The following ZNF385D variants were observed in gnomAD, a reference collection of about 807,000 sequenced individuals.
ZNF385D encodes the protein zinc finger protein 659.
ZNF385D carries 15 observed loss-of-function variants against 35.8 expected under a neutral mutation model. The ratio of observed to expected loss-of-function variants is 0.42; its 90% CI spans 0.28 to 0.64. ZNF385D has a LOEUF of 0.64. ZNF385D is among the 30% of genes least tolerant of loss of function. The probability of loss-of-function intolerance (pLI) is 0.23; values close to 1 mark genes in which losing one functional copy is unlikely to be tolerated. For synonymous variants in ZNF385D, 212 were observed against 186.8 expected, an observed-to-expected ratio of 1.13 and a Z score of -1.10; for missense variants, 474 against 494.6, an observed-to-expected ratio of 0.96 and a Z score of 0.39.
chr3:22,032,425 C>A (rs920467517), intron 3 of ZNF385D, among the ~76,000 whole-genome samples: 2 of 152,142 alleles, frequency 1.3e-5, no homozygotes, highest in South Asian at 2.1e-4. Context: ...TCATGAGAAC[C>A]CCCTCACTAT....
At chr3:22,029,607 G>C (rs1310033954) in intron 3 of ZNF385D, among the ~76,000 whole-genome samples, 1 of 152,178 alleles carries the variant, frequency 6.6e-6, no homozygotes, top group Non-Finnish European at 1.5e-5. Flanking sequence ...AAACATGTTT[G>C]TGCATATATA....
intron 2 of ZNF385D, among the ~76,000 whole-genome samples, chr3:21,601,642 T>TA (rs2125763183): frequency 6.6e-6 from 1 of 152,324 alleles, no homozygotes; most frequent in East Asian, 1.9e-4. Flanking sequence ...TGTAAAATGT[T>TA]ACCATTATTT....
intron 4 of ZNF385D, among the ~76,000 whole-genome samples, chr3:21,472,049 A>G (rs960398690): frequency 6.6e-6 from 1 of 152,138 alleles, no homozygotes; most frequent in Non-Finnish European, 1.5e-5. Context: ...TGACCTGAAT[A>G]TTTAAATTTT....
At position 22,044,880 on chromosome 3, in the gene ZNF385D, T is replaced by C. The variant is rs1487465294; in HGVS notation, c.325+123937A>G. Among the ~76,000 whole-genome samples the C allele has an allele frequency of 2.6e-5, 4 of 151,970 alleles. No individual in the cohort carries two copies. In the East Asian group the frequency reaches 7.7e-4, roughly 29 times the overall value. On this transcript the variant is annotated intron_variant, in intron 3 of 5. Transcript: ENST00000494108. Reference sequence around the variant, plus strand: ...CTTTGTGAGAAAAAGAGATGATGAATGTGAAACTTTCCTTACAGTGATTTG... The same window carrying C: ...CTTTGTGAGAAAAAGAGATGATGAACGTGAAACTTTCCTTACAGTGATTTG...
chr3:22,045,802 C>A (rs143526864), intron 3 of ZNF385D, among the ~76,000 whole-genome samples: 3 of 151,908 alleles, frequency 2.0e-5, no homozygotes, highest in Non-Finnish European at 4.4e-5. Flanking sequence ...CATGACCTGG[C>A]GATTTCTATA....
intron 3 of ZNF385D, among the ~76,000 whole-genome samples, chr3:22,000,546 T>G (rs1695775815): frequency 6.6e-6 from 1 of 152,170 alleles, no homozygotes; most frequent in Non-Finnish European, 1.5e-5. Context: ...GGGGTTGCTC[T>G]GTCTATGGAA....
intron 2 of ZNF385D, among the ~76,000 whole-genome samples, chr3:21,605,735 T>C (rs183909515): frequency 1.3e-5 from 2 of 152,294 alleles, no homozygotes; most frequent in Admixed American, 1.3e-4. Flanking sequence ...TTGTTAAATA[T>C]CTCATTTATT....
chr3:21,925,632 C>T (rs1432564701), intron 3 of ZNF385D, among the ~76,000 whole-genome samples: 1 of 152,100 alleles, frequency 6.6e-6, no homozygotes, highest in East Asian at 1.9e-4. Context: ...AATTGGACTT[C>T]ATCAAACCTA....
At chr3:21,916,049 A>G (rs2125918934) in intron 3 of ZNF385D, among the ~76,000 whole-genome samples, 1 of 152,278 alleles carries the variant, frequency 6.6e-6, no homozygotes, top group East Asian at 1.9e-4. Context: ...GATATATGTC[A>G]AATCTTGTAC....
intron 3 of ZNF385D, among the ~76,000 whole-genome samples, chr3:22,081,974 T>C (rs1434207392): frequency 6.8e-6 from 1 of 147,244 alleles, no homozygotes. Context: ...TTACTTATTT[T>C]GTGGTTGGGG....
chr3:22,015,120 T>C (rs529556161), intron 3 of ZNF385D, among the ~76,000 whole-genome samples: 1 of 152,238 alleles, frequency 6.6e-6, no homozygotes, highest in South Asian at 2.1e-4. Flanking sequence ...AGCAAATAAT[T>C]AATAGAATAA....
chr3:22,076,439 T>A (rs188154990), intron 3 of ZNF385D, among the ~76,000 whole-genome samples: 172 of 152,056 alleles, frequency 1.1e-3, no homozygotes, highest in African/African-American at 3.9e-3. Flanking sequence ...TATTTTTTAA[T>A]CATTTGGATC....
At chr3:21,632,099 G>A (rs993304326) in intron 2 of ZNF385D, among the ~76,000 whole-genome samples, 2 of 152,020 alleles carry the variant, frequency 1.3e-5, no homozygotes, top group African/African-American at 4.8e-5. Context: ...ACACTGTGGT[G>A]AATAAAACGT....
intron 3 of ZNF385D, among the ~76,000 whole-genome samples, chr3:21,953,055 G>T (rs1702135103): frequency 6.6e-6 from 1 of 151,884 alleles, no homozygotes; most frequent in Admixed American, 6.6e-5. Flanking sequence ...CCAGCTTTAT[G>T]TGCTTCGTTG....
chr3:21,673,656 T>A (rs1248029016), intron 1 of ZNF385D, among the ~76,000 whole-genome samples: 2 of 152,094 alleles, frequency 1.3e-5, no homozygotes, highest in Non-Finnish European at 2.9e-5. Flanking sequence ...GTGTGAGCAA[T>A]GATGATCATA....
chr3:22,127,822 T>C lies in ZNF385D; in HGVS notation c.325+40995A>G, dbSNP rs534269359. Among the ~76,000 whole-genome samples the C allele has an allele frequency of 4.6e-5, 7 of 152,314 alleles. No individual in the cohort carries two copies. In the South Asian group the frequency reaches 1.5e-3, roughly 32 times the overall value. ...ACCTCTCCCACTCTTTAACTTTTTGTTGTTTCTGTTTATATCATACTATAC... is the reference window on the plus strand; with the variant it reads ...ACCTCTCCCACTCTTTAACTTTTTGCTGTTTCTGTTTATATCATACTATAC... On this transcript the variant is annotated intron_variant, in intron 3 of 5. Transcript: ENST00000494108.
intron 3 of ZNF385D, among the ~76,000 whole-genome samples, chr3:22,123,886 C>A (rs970560328): frequency 2.7e-5 from 4 of 149,184 alleles, no homozygotes; most frequent in Non-Finnish European, 5.9e-5. Context: ...CAAACCAAAC[C>A]AAACAAAAAC....
intron 2 of ZNF385D, among the ~76,000 whole-genome samples, chr3:21,584,343 A>C (rs1426905255): frequency 3.9e-5 from 6 of 152,166 alleles, no homozygotes; most frequent in Non-Finnish European, 7.4e-5. Context: ...ACTGCAACTC[A>C]TTGTTCCAGA....
chr3:21,665,694 C>G (rs1332798354), intron 1 of ZNF385D, among the ~76,000 whole-genome samples: 1 of 152,150 alleles, frequency 6.6e-6, no homozygotes, highest in Non-Finnish European at 1.5e-5. Flanking sequence ...CACTGTTGAG[C>G]AGGCAGTGGG....
Sources: allele counts gnomAD v4.1 joint callset (sites outside exome capture counted in the v4.1 genomes callset), GRCh38; gene constraint gnomAD v4.1.1; transcripts MANE v1.5; gene names NCBI Gene and HGNC (gene_info 2026-07-23, HGNC 2026-07-21).